Variants in TMEM178B observed in about 807,000 individuals in gnomAD.
TMEM178B encodes transmembrane protein 178B.
In TMEM178B, 5 loss-of-function variants were observed where a neutral mutation model predicts 31.0. The observed-to-expected ratio is 0.16, with a 90% CI of 0.08 to 0.34. The LOEUF is 0.34. Among genes scored for constraint, TMEM178B ranks in the 10% least tolerant of loss-of-function variants. The probability of loss-of-function intolerance (pLI) is 1.00; values close to 1 mark genes in which losing one functional copy is unlikely to be tolerated. For synonymous variants in TMEM178B, 164 were observed against 164.0 expected (o/e 1.00, Z 0.00); for missense variants, 275 against 400.3 (o/e 0.69, Z 2.67).
chr7:141,456,380 G>GATGTGGAAAGA (rs1052034554), intron 3 of TMEM178B, among the ~76,000 whole-genome samples: 2 of 152,182 alleles, frequency 1.3e-5, no homozygotes, highest in Non-Finnish European at 2.9e-5. Flanking sequence ...ATTCTTGGTA[G>GATGTGGAAAGA]TGTACACTTT....
chr7:141,169,156 T>A (rs185842140), intron 1 of TMEM178B, among the ~76,000 whole-genome samples: 76 of 152,350 alleles, frequency 5.0e-4, no homozygotes, highest in African/African-American at 1.7e-3. Flanking sequence ...GTATTGAGCC[T>A]AGTACCCATT....
chr7:141,224,075 C>T (rs1797301080), intron 2 of TMEM178B, among the ~76,000 whole-genome samples: 1 of 152,110 alleles, frequency 6.6e-6, no homozygotes, highest in Non-Finnish European at 1.5e-5. Flanking sequence ...CTCACGAGAT[C>T]TGATGTTTTT....
chr7:141,278,944 A>G (rs546238173), intron 2 of TMEM178B, among the ~76,000 whole-genome samples: 1 of 152,352 alleles, frequency 6.6e-6, no homozygotes, highest in East Asian at 1.9e-4. Context: ...CCATTAGACC[A>G]GGGTGAGCAC....
chr7:141,350,166 G>A (rs901133987), intron 2 of TMEM178B, among the ~76,000 whole-genome samples: 1 of 152,056 alleles, frequency 6.6e-6, no homozygotes, highest in African/African-American at 2.4e-5. Context: ...AAAAACACAA[G>A]AAAACCAGTT....
chr7:141,149,790 C>T (rs577516296), intron 1 of TMEM178B, among the ~76,000 whole-genome samples: 2 of 152,200 alleles, frequency 1.3e-5, no homozygotes, highest in Non-Finnish European at 2.9e-5. Flanking sequence ...AGGGTTCCGC[C>T]CTGCGGGTTA....
intron 2 of TMEM178B, among the ~76,000 whole-genome samples, chr7:141,355,822 A>C (rs578069255): frequency 1.1e-4 from 16 of 152,222 alleles, no homozygotes; most frequent in Non-Finnish European, 1.9e-4. Context: ...GGTGGTGAGC[A>C]TAGTACCTGA....
At chr7:141,420,939 G>A (rs970801082) in intron 2 of TMEM178B, among the ~76,000 whole-genome samples, 3 of 152,156 alleles carry the variant, frequency 2.0e-5, no homozygotes, top group African/African-American at 4.8e-5. Flanking sequence ...CTAACTTCCA[G>A]GTAGCAAGGA....
chr7:141,349,161 G>A (rs1799669142), intron 2 of TMEM178B, among the ~76,000 whole-genome samples: 1 of 152,060 alleles, frequency 6.6e-6, no homozygotes, highest in African/African-American at 2.4e-5. Flanking sequence ...TAAACTAGAA[G>A]TGTTCAGTAT....
chr7:141,231,884 C>G (rs967535740), intron 2 of TMEM178B, among the ~76,000 whole-genome samples: 4 of 152,182 alleles, frequency 2.6e-5, no homozygotes, highest in African/African-American at 9.7e-5. Context: ...GGTGGTTTGC[C>G]AAACCGATCA....
At chr7:141,490,669 A>C in the TMEM178B span, among the ~76,000 whole-genome samples, 1 of 152,162 alleles carries the variant, frequency 6.6e-6, no homozygotes, top group Non-Finnish European at 1.5e-5. Context: ...ACAGTGTGGA[A>C]TCTCCTTCTC....
chr7:141,331,336 G>T (rs752700867), intron 2 of TMEM178B, among the ~76,000 whole-genome samples: 4 of 152,180 alleles, frequency 2.6e-5, no homozygotes, highest in Non-Finnish European at 5.9e-5. Context: ...GATCAGGGAC[G>T]AGCAGCAAAG....
intron 2 of TMEM178B, among the ~76,000 whole-genome samples, chr7:141,229,100 GGTGT>G (rs3035765): frequency 1.2e-3 from 168 of 134,842 alleles, no homozygotes; most frequent in South Asian, 5.0e-3. Context: ...GTGTGTGTGT[GGTGT>G]GTGTGTGTGT....
chr7:141,087,174 C>T (rs1195348892), intron 1 of TMEM178B, among the ~76,000 whole-genome samples: 2 of 152,156 alleles, frequency 1.3e-5, no homozygotes, highest in African/African-American at 4.8e-5. Context: ...AACTTTGTCC[C>T]TGGGGCAGTC....
intron 1 of TMEM178B, among the ~76,000 whole-genome samples, chr7:141,195,399 C>T (rs1406892356): frequency 6.6e-6 from 1 of 152,198 alleles, no homozygotes; most frequent in Non-Finnish European, 1.5e-5. Context: ...ACAAATCTCT[C>T]AGGCAGGGCC....
chr7:141,338,115 G>A (rs970019663), intron 2 of TMEM178B, among the ~76,000 whole-genome samples: 1 of 152,178 alleles, frequency 6.6e-6, no homozygotes, highest in African/African-American at 2.4e-5. Flanking sequence ...GGGATTACAG[G>A]CGTGAGCCAC....
chr7:141,241,558 C>G (rs1337885182), intron 2 of TMEM178B, among the ~76,000 whole-genome samples: 3 of 145,310 alleles, frequency 2.1e-5, no homozygotes, highest in Non-Finnish European at 4.5e-5. Flanking sequence ...CTGTTGCACT[C>G]CAGCCTGGGG....
rs541558388 is a variant in TMEM178B at position 141,451,278 on chromosome 7, C to T, written c.634+13533C>T. ...CCTGTAAAATCATACCTGCCTTGTA[C>T]GGTTGTTATGAGAATTAAATGAGTT... On this transcript the variant is annotated intron_variant, in intron 3 of 3. Transcript: ENST00000565468. 1.1e-3 allele frequency among the ~76,000 whole-genome samples: 165 copies of T among 152,250 alleles called. 1 individual carries two copies. The highest frequency in any genetic ancestry group is 3.5e-3 in the African/African-American group (145 of 41,526).
chr7:141,165,335 G>T lies in TMEM178B; in HGVS notation c.383-47256G>T, dbSNP rs369338492. On this transcript the variant is annotated intron_variant, in intron 1 of 3. Coordinates refer to ENST00000565468, the MANE Select transcript of TMEM178B (RefSeq NM_001195278.2). ...TTTTTAAGAGTATTGGTCAGGCATT[G>T]CATAGAAAGCTCTTCAACTTGAGTT... Among the ~76,000 whole-genome samples the T allele has an allele frequency of 4.6e-5, 7 of 152,258 alleles. No individual in the cohort carries two copies. The South Asian group carries it at 1.5e-3, about 32-fold the overall frequency.
At position 141,281,100 on chromosome 7, in the gene TMEM178B, T is replaced by C. The variant is rs1008711011; in HGVS notation, c.496+68396T>C. On this transcript the variant is annotated intron_variant, in intron 2 of 3. Transcript: ENST00000565468. Reference sequence around the variant, plus strand: ...TTTGTCAAAATTCTGTGAAGGGCCTTTTTTTTTTGGATTCAAGGCACCCTG... The same window carrying C: ...TTTGTCAAAATTCTGTGAAGGGCCTCTTTTTTTTGGATTCAAGGCACCCTG... Among the ~76,000 whole-genome samples the C allele has an allele frequency of 1.0e-4, 15 of 150,340 alleles. No homozygotes were observed. In the South Asian group the frequency reaches 2.4e-3, roughly 24 times the overall value.
Sources: allele counts gnomAD v4.1 joint callset (sites outside exome capture counted in the v4.1 genomes callset), GRCh38; gene constraint gnomAD v4.1.1; transcripts MANE v1.5; gene names NCBI Gene and HGNC (gene_info 2026-07-23, HGNC 2026-07-21).